The following LRRIQ3 variants were observed in gnomAD, a reference collection of about 807,000 sequenced individuals.
The protein encoded by LRRIQ3 is leucine rich repeats and IQ motif containing 3.
LRRIQ3 carries 75 observed loss-of-function variants against 59.3 expected under a neutral mutation model. The ratio of observed to expected loss-of-function variants is 1.26; its 90% CI spans 1.05 to 1.53. The LOEUF is 1.53. Among genes scored for constraint, LRRIQ3 ranks in the 40% most tolerant of loss-of-function variants. LRRIQ3 has a pLI of 0.00. For synonymous variants in LRRIQ3, 250 were observed against 231.3 expected (o/e 1.08, Z -0.73); for missense variants, 831 against 710.0 (o/e 1.17, Z -1.94).
chr1:74,140,590 C>A (rs1254385251), intron 4 of LRRIQ3, among the ~76,000 whole-genome samples: 2 of 151,776 alleles, frequency 1.3e-5, no homozygotes, highest in Non-Finnish European at 2.9e-5. Context: ...CAAAAAATAT[C>A]TTAGCCAATA....
At chr1:74,050,536 T>C (rs1443887058) in intron 6 of LRRIQ3, 1 of 985,318 alleles carries the variant, frequency 1.0e-6, no homozygotes, top group African/African-American at 1.7e-5. Flanking sequence ...AGAGCTTGTT[T>C]GATTCTTCTG....
At chr1:74,192,036 A>C (rs537327680) in intron 1 of LRRIQ3, among the ~76,000 whole-genome samples, 2 of 152,208 alleles carry the variant, frequency 1.3e-5, no homozygotes, top group African/African-American at 4.8e-5. Context: ...TATAGTCTCT[A>C]TAAAAAATAA....
intron 4 of LRRIQ3, among the ~76,000 whole-genome samples, chr1:74,151,080 C>T (rs998734751): frequency 3.8e-5 from 5 of 133,298 alleles, no homozygotes; most frequent in Admixed American, 8.6e-5. Flanking sequence ...TGCAGTGGCG[C>T]GATCTCGGCT....
At chr1:74,035,805 C>T (rs1653851482) in intron 7 of LRRIQ3, among the ~76,000 whole-genome samples, 1 of 152,038 alleles carries the variant, frequency 6.6e-6, no homozygotes, top group African/African-American at 2.4e-5. Flanking sequence ...GCTATAGGTA[C>T]AGGAATATTC....
rs189231315 is a variant in LRRIQ3 at position 74,077,593 on chromosome 1, G to A, written c.868-2803C>T. ...CTCCTTTTAGAAATATATTTTCTTCGTTTCTCCTAATTATCCTTTTTCATG... is the reference window on the plus strand; with the variant it reads ...CTCCTTTTAGAAATATATTTTCTTCATTTCTCCTAATTATCCTTTTTCATG... On this transcript the variant is annotated intron_variant, in intron 5 of 7. Transcript: ENST00000354431. 9.9e-5 allele frequency among the ~76,000 whole-genome samples: 15 copies of A among 151,924 alleles called. No homozygotes were observed. In the East Asian group the frequency reaches 1.2e-3, roughly 12 times the overall value.
intron 5 of LRRIQ3, among the ~76,000 whole-genome samples, chr1:74,098,597 ATACATTC>A (rs1646484186): frequency 6.6e-6 from 1 of 152,194 alleles, no homozygotes; most frequent in Non-Finnish European, 1.5e-5. Context: ...TCAACAGAAT[ATACATTC>A]TTCTCAGTAC....
chr1:74,035,715 A>G (rs1035726805), intron 7 of LRRIQ3, among the ~76,000 whole-genome samples: 1 of 152,152 alleles, frequency 6.6e-6, no homozygotes, highest in Non-Finnish European at 1.5e-5. Context: ...ACAACTGTCT[A>G]CTGAGACTTA....
intron 4 of LRRIQ3, among the ~76,000 whole-genome samples, chr1:74,124,902 A>G (rs530078151): frequency 3.0e-4 from 46 of 151,912 alleles, no homozygotes; most frequent in Admixed American, 1.1e-3. Context: ...GAAGAATGTC[A>G]TTGATATTTT....
At chr1:74,120,791 A>G (rs998182562) in intron 4 of LRRIQ3, among the ~76,000 whole-genome samples, 1 of 151,994 alleles carries the variant, frequency 6.6e-6, no homozygotes, top group African/African-American at 2.4e-5. Context: ...AATTTTATTA[A>G]GTTACTTTTC....
intron 1 of LRRIQ3, among the ~76,000 whole-genome samples, chr1:74,184,510 T>TA (rs928754255): frequency 9.2e-5 from 14 of 152,274 alleles, no homozygotes; most frequent in African/African-American, 2.9e-4. Flanking sequence ...GATGTGCAGA[T>TA]AAACTAAATC....
At chr1:74,140,911 C>T (rs2100636467) in intron 4 of LRRIQ3, among the ~76,000 whole-genome samples, 1 of 151,930 alleles carries the variant, frequency 6.6e-6, no homozygotes, top group East Asian at 1.9e-4. Flanking sequence ...ACATTCCATA[C>T]TTGATGAAAT....
At chr1:74,131,173 A>T (rs1030077628) in intron 4 of LRRIQ3, among the ~76,000 whole-genome samples, 5 of 152,170 alleles carry the variant, frequency 3.3e-5, no homozygotes, top group African/African-American at 1.2e-4. Context: ...AGACTAAACC[A>T]GGAGGAAGCT....
chr1:74,130,658 G>A (rs1347456749), intron 4 of LRRIQ3, among the ~76,000 whole-genome samples: 1 of 152,084 alleles, frequency 6.6e-6, no homozygotes, highest in Non-Finnish European at 1.5e-5. Context: ...CAAGGAGGAT[G>A]ATCAGTAGAG....
chr1:74,078,585 A>G (rs1646235409), intron 5 of LRRIQ3: 1 of 151,856 alleles, frequency 6.6e-6, no homozygotes, highest in Non-Finnish European at 1.5e-5. Flanking sequence ...TTAGTTAGGA[A>G]TTTGTTATGT....
intron 5 of LRRIQ3, among the ~76,000 whole-genome samples, chr1:74,098,059 T>C (rs1646472850): frequency 6.6e-6 from 1 of 152,080 alleles, no homozygotes; most frequent in South Asian, 2.1e-4. Context: ...ATAACAATAT[T>C]AACCTTAAAT....
intron 4 of LRRIQ3, among the ~76,000 whole-genome samples, chr1:74,116,559 A>C (rs760698213): frequency 5.3e-5 from 8 of 152,098 alleles, no homozygotes; most frequent in Non-Finnish European, 1.2e-4. Context: ...TTCAATACAC[A>C]GGTATTATTA....
intron 4 of LRRIQ3, among the ~76,000 whole-genome samples, chr1:74,149,781 C>T (rs1647808747): frequency 1.3e-5 from 2 of 152,108 alleles, no homozygotes; most frequent in Non-Finnish European, 2.9e-5. Context: ...CTCTTTTGTT[C>T]ATACATGCAT....
At chr1:74,064,822 TA>T (rs1191144635) in intron 6 of LRRIQ3, among the ~76,000 whole-genome samples, 1 of 152,088 alleles carries the variant, frequency 6.6e-6, no homozygotes, top group East Asian at 1.9e-4. Flanking sequence ...TCCTTGCATG[TA>T]ATGATTTGTT....
At chr1:74,059,285 C>A (rs992653884) in intron 6 of LRRIQ3, among the ~76,000 whole-genome samples, 7 of 149,740 alleles carry the variant, frequency 4.7e-5, no homozygotes, top group African/African-American at 1.8e-4. Context: ...GGCTTATGCT[C>A]CTAGTGGCAT....
Sources: gnomAD v4.1 joint callset for allele counts (sites outside exome capture counted in the v4.1 genomes callset) on GRCh38, gnomAD v4.1.1 for gene constraint, MANE v1.5 for transcripts, NCBI Gene and HGNC (gene_info 2026-07-23, HGNC 2026-07-21) for gene names.